The following ERAP1 variants were observed in gnomAD, a reference collection of about 807,000 sequenced individuals.
ERAP1 encodes the protein adipocyte-derived leucine aminopeptidase.
ERAP1 carries 86 observed loss-of-function variants against 103.7 expected under a neutral mutation model. That is an observed-to-expected ratio of 0.83 (90% CI 0.70 to 0.99). The LOEUF is 0.99. ERAP1 is among the 50% of genes least tolerant of loss of function. The pLI is 0.00. For synonymous variants in ERAP1, 398 were observed against 402.4 expected (o/e 0.99, Z 0.13); for missense variants, 1,009 against 1,128.4 (o/e 0.89, Z 1.52).
the ERAP1 span, among the ~76,000 whole-genome samples, chr5:96,822,426 A>G: frequency 7.2e-5 from 11 of 152,370 alleles, no homozygotes; most frequent in Admixed American, 6.5e-4. Flanking sequence ...AACATTGCTC[A>G]GGAACAAAGG....
the ERAP1 span, among the ~76,000 whole-genome samples, chr5:96,887,080 TA>T: frequency 2.5e-5 from 2 of 80,036 alleles, no homozygotes; most frequent in Non-Finnish European, 5.0e-5. Context: ...AAAGTATATA[TA>T]TATATATATA....
chr5:96,770,624 C>T, downstream of ERAP1: 3 of 1,511,182 alleles, frequency 2.0e-6, no homozygotes, highest in Non-Finnish European at 2.8e-6. Context: ...AGTAAATATA[C>T]TACAAATTAG....
At chr5:96,872,793 C>T in the ERAP1 span, among the ~76,000 whole-genome samples, 2 of 152,094 alleles carry the variant, frequency 1.3e-5, no homozygotes, top group Non-Finnish European at 2.9e-5. Context: ...TTTCAATTCT[C>T]TTGATCCTAG....
chr5:96,896,636 TCA>T, the ERAP1 span: 5 of 1,425,628 alleles, frequency 3.5e-6, no homozygotes, highest in Non-Finnish European at 3.7e-6. Context: ...TTTTCAGACA[TCA>T]CACATGTTCC....
At chr5:96,890,052 T>C in the ERAP1 span, among the ~76,000 whole-genome samples, 2 of 152,230 alleles carry the variant, frequency 1.3e-5, no homozygotes, top group Non-Finnish European at 2.9e-5. Context: ...TTTTAAAAAA[T>C]TGCAGGAAAC....
chr5:96,901,503 C>T, the ERAP1 span: 4 of 1,612,908 alleles, frequency 2.5e-6, no homozygotes, highest in Admixed American at 6.7e-5. Flanking sequence ...CCTGTCATTT[C>T]AGCTCGCCTT....
At chr5:96,797,501 C>T (rs1207331608) in intron 3 of ERAP1, among the ~76,000 whole-genome samples, 192 bp from the exon 4 acceptor site, 2 of 151,690 alleles carry the variant, frequency 1.3e-5, no homozygotes, top group African/African-American at 2.4e-5. Flanking sequence ...CCTATCTCTA[C>T]AAAAAAAATA....
At position 96,794,075 on chromosome 5, in the gene ERAP1, T is replaced by C. The variant is rs564583688; in HGVS notation, c.920-118A>G. The C allele has an allele frequency of 4.0e-5, 39 of 970,922 alleles. No individual in the cohort carries two copies. In the South Asian group the frequency reaches 5.0e-4, roughly 12 times the overall value. The allele number at this position is 970,922 out of a possible 1,614,324, so 60.1% of individuals were successfully genotyped here. A position where few individuals can be genotyped will look rare whatever the true frequency, so the allele number is the denominator to read the frequency against. ...CTGCCCGTGCATAATCATGGAGCTC[T>C]AGACTGGAAGAACCTTTCACAATGG... On this transcript the variant is annotated intron_variant, in intron 5 of 18. Transcript: ENST00000443439.
At chr5:96,916,809 C>T in the ERAP1 span, among the ~76,000 whole-genome samples, 1 of 149,338 alleles carries the variant, frequency 6.7e-6, no homozygotes, top group East Asian at 2.0e-4. Flanking sequence ...ACCTTCTTTT[C>T]ACAATAAATC....
chr5:96,833,188 A>G, the ERAP1 span, among the ~76,000 whole-genome samples: 1 of 152,208 alleles, frequency 6.6e-6, no homozygotes, highest in African/African-American at 2.4e-5. Flanking sequence ...AAATTTGGAG[A>G]CCAATATTTA....
chr5:96,824,961 G>C, the ERAP1 span, among the ~76,000 whole-genome samples: 2 of 152,154 alleles, frequency 1.3e-5, no homozygotes, highest in African/African-American at 4.8e-5. Flanking sequence ...GATCGATTGA[G>C]CCTGGGAAGT....
intron 3 of ERAP1, among the ~76,000 whole-genome samples, chr5:96,798,062 AC>A (rs1777541793): frequency 6.6e-6 from 1 of 152,188 alleles, no homozygotes; most frequent in Non-Finnish European, 1.5e-5. Context: ...ACAGTGGCTC[AC>A]ACCTGTAATC....
the ERAP1 span, among the ~76,000 whole-genome samples, chr5:96,924,522 G>A: frequency 6.6e-6 from 1 of 152,102 alleles, no homozygotes; most frequent in Non-Finnish European, 1.5e-5. Flanking sequence ...AAACAAAAAG[G>A]AAAACTAAAT....
the ERAP1 span, chr5:96,902,623 C>T: frequency 3.6e-6 from 1 of 281,006 alleles, no homozygotes; most frequent in Non-Finnish European, 6.7e-6. Context: ...CTTATAATAC[C>T]CACTAATCTA....
the ERAP1 span, among the ~76,000 whole-genome samples, chr5:96,921,439 C>T: frequency 6.6e-6 from 1 of 152,172 alleles, no homozygotes; most frequent in Non-Finnish European, 1.5e-5. Flanking sequence ...AGAAAGCTGG[C>T]AGTATAAACA....
the ERAP1 span, among the ~76,000 whole-genome samples, chr5:96,831,604 T>C: frequency 6.6e-6 from 1 of 152,230 alleles, no homozygotes; most frequent in Non-Finnish European, 1.5e-5. Flanking sequence ...TCAATACTCC[T>C]GGGATACAAT....
intron 6 of ERAP1, 119 bp downstream of exon 6, chr5:96,793,684 G>T: frequency 2.5e-6 from 3 of 1,177,892 alleles, no homozygotes; most frequent in Non-Finnish European, 3.6e-6. Context: ...ATGCTTTGGA[G>T]AAACAATTTT....
chr5:96,781,710 A>G lies in ERAP1; in HGVS notation c.2430T>C (p.Asn810=), dbSNP rs766710538. 4.7e-5 allele frequency: 76 copies of G among 1,614,010 alleles called. No individual in the cohort carries two copies. In the Middle Eastern group the frequency reaches 1.6e-3, roughly 35 times the overall value. ...GGACTCACCATTGAAGCTTTTCCTT[A>G]TTTTGGGTTCTGCAGAGGGCAAATT... ...QIEFALCRTQ[N]KEKLQWLLDE... The change falls in exon 16 of 19, where the codon AAT becomes AAC. Residue 810 remains asparagine (N), a synonymous_variant. Transcript: ENST00000443439.
the ERAP1 span, among the ~76,000 whole-genome samples, chr5:96,923,404 G>T: frequency 6.6e-6 from 1 of 152,138 alleles, no homozygotes; most frequent in Admixed American, 6.5e-5. Context: ...TCTAAAAAAA[G>T]AAACTTCAGG....
Sources: allele counts gnomAD v4.1 joint callset (sites outside exome capture counted in the v4.1 genomes callset), GRCh38; gene constraint gnomAD v4.1.1; transcripts MANE v1.5; gene names NCBI Gene and HGNC (gene_info 2026-07-23, HGNC 2026-07-21).